CIITA: variants seen among roughly 807,000 people sequenced by gnomAD.
CIITA encodes class II major histocompatibility complex transactivator, also known as MHC class II transactivator.
A neutral mutation model predicts 115.1 loss-of-function variants in CIITA; 72 were observed. That is an observed-to-expected ratio of 0.63 (90% CI 0.52 to 0.76). CIITA has a LOEUF of 0.76. Among genes scored for constraint, CIITA ranks in the 30% least tolerant of loss-of-function variants. The pLI, the probability that CIITA is intolerant of heterozygous loss-of-function variation, is 0.00. For missense variants in CIITA, 1,617 were observed against 1,463.8 expected, an observed-to-expected ratio of 1.10 and a Z score of -1.71; for synonymous variants, 763 against 635.6, an observed-to-expected ratio of 1.20 and a Z score of -3.02.
In CIITA at chr16:10,907,230, C is replaced by T. The variant is rs746880514; in HGVS notation, c.1738C>T (p.Arg580Cys). 15 of 1,613,446 alleles carry T rather than the reference C, an allele frequency of 9.3e-6. No individual in the cohort carries two copies. Among genetic ancestry groups the T allele is most frequent in the Admixed American group, 3.3e-5 (2 of 60,008 alleles). ...SMEQAQAYVM[R>C]YFESSGMTEH... Reference sequence around the variant, plus strand: ...GGAGCAGGCCCAGGCATACGTGATGCGCTACTTTGAGAGCTCAGGGATGAC... The same window carrying T: ...GGAGCAGGCCCAGGCATACGTGATGTGCTACTTTGAGAGCTCAGGGATGAC... The change falls in exon 11 of 20, where the codon CGC becomes TGC. Residue 580 changes from arginine (R) to cysteine (C), a missense_variant. Arg to Cys is a radical substitution (Grantham distance 180). Transcript: ENST00000324288. This position sits in a 1 kb window ranked among gnomAD's most constrained non-coding sequence, Gnocchi z 5.0.
chr16:10,880,486 G>A (rs1422351059), intron 1 of CIITA, among the ~76,000 whole-genome samples: 3 of 152,136 alleles, frequency 2.0e-5, no homozygotes, highest in Non-Finnish European at 2.9e-5. Context: ...GTTTTGTTTT[G>A]TTTTGCTTAA....
intron 10 of CIITA, among the ~76,000 whole-genome samples, chr16:10,905,406 C>A (rs1309618030): frequency 6.6e-6 from 1 of 152,240 alleles, no homozygotes; most frequent in East Asian, 1.9e-4. Flanking sequence ...CCTCCCATGA[C>A]CTCCCCATGG....
In CIITA at chr16:10,910,239, C is replaced by T; in HGVS notation, c.2868C>T (p.Asp956=). The T allele has an allele frequency of 1.2e-6, 2 of 1,613,994 alleles. No homozygotes were observed. Among genetic ancestry groups the T allele is most frequent in the South Asian group, 2.2e-5 (2 of 91,050 alleles). ...CTGGGGAGCTCCCTGCTGTTCGGGA[C>T]CTAAAGAAACTGGAGTTTGCGTAAG... ...DTAGELPAVR[D]LKKLEFALGP... The change falls in exon 13 of 20, where the codon GAC becomes GAT. Residue 956 remains aspartate (D), a synonymous_variant. Transcript: ENST00000324288.
intron 1 of CIITA, chr16:10,878,868 T>C: frequency 4.4e-6 from 1 of 229,500 alleles, no homozygotes; most frequent in Admixed American, 5.7e-5. Flanking sequence ...GCTTGGTTGC[T>C]CCACAGCCTG....
intron 1 of CIITA, among the ~76,000 whole-genome samples, chr16:10,893,272 C>T (rs995753668): frequency 6.6e-6 from 1 of 152,124 alleles, no homozygotes; most frequent in East Asian, 1.9e-4. Context: ...GATGCTGGTA[C>T]CTTGTTTCAG....
At chr16:10,917,481 ATTT>A (rs36011152) in intron 15 of CIITA, among the ~76,000 whole-genome samples, 16 of 132,798 alleles carry the variant, frequency 1.2e-4, no homozygotes, top group East Asian at 2.3e-4. Flanking sequence ...GTTCAATGGG[ATTT>A]TTTTTTTTTT....
chr16:10,899,127 A>G lies in CIITA; in HGVS notation c.436+125A>G, dbSNP rs573906759. ...GTCCTGTCTGGTTGGGAGGCCCTTT[A>G]AAAGCCAACAGGAGCCTTAAAATGT... is the stretch of plus-strand genomic sequence containing the variant. On this transcript the variant is annotated intron_variant, in intron 5 of 19. Coordinates refer to ENST00000324288, the MANE Select transcript of CIITA (RefSeq NM_000246.4). The G allele has an allele frequency of 2.1e-5, 18 of 854,198 alleles. No individual in the cohort carries two copies. The African/African-American group carries it at 2.8e-4, about 13-fold the overall frequency. The allele number at this position is 854,198 out of a possible 1,614,324, so 52.9% of individuals were successfully genotyped here. A position where few individuals can be genotyped will look rare whatever the true frequency, so the allele number is the denominator to read the frequency against.
chr16:10,907,529 G>A lies in CIITA; in HGVS notation c.2037G>A (p.Gln679=). The A allele has an allele frequency of 1.2e-6, 2 of 1,614,162 alleles. No individual in the cohort carries two copies. Among genetic ancestry groups the A allele is most frequent in the Non-Finnish European group, 8.5e-7 (1 of 1,180,032 alleles). The stretch of plus-strand genomic sequence containing the variant: ...ATCAAAGTACCCTACAGGAGGACCA[G>A]TTCCCATCCGCAGACGTGAGGACCT... ...RRHQSTLQED[Q]FPSADVRTWA... Residue 679 remains glutamine, a synonymous_variant, in exon 11 of 20, where the codon CAG becomes CAA. Coordinates refer to ENST00000324288, the MANE Select transcript of CIITA (RefSeq NM_000246.4). This position sits in a 1 kb window ranked among gnomAD's most constrained non-coding sequence, Gnocchi z 5.0.
chr16:10,919,119 C>G (rs2145074565), intron 16 of CIITA, among the ~76,000 whole-genome samples: 1 of 152,360 alleles, frequency 6.6e-6, no homozygotes, highest in South Asian at 2.1e-4. Flanking sequence ...GAGCTCTTCA[C>G]TTACTGAGGA....
At chr16:10,873,687 T>G (rs980511422), upstream of CIITA, among the ~76,000 whole-genome samples, 1 of 152,144 alleles carries the variant, frequency 6.6e-6, no homozygotes, top group African/African-American at 2.4e-5. Context: ...GTTCTTTACT[T>G]GGAAGACCTA....
At chr16:10,874,572 C>G (rs1369017529), upstream of CIITA, among the ~76,000 whole-genome samples, 1 of 152,342 alleles carries the variant, frequency 6.6e-6, no homozygotes, top group African/African-American at 2.4e-5. Flanking sequence ...TGCCATCAGT[C>G]AAACACACAG....
intron 13 of CIITA, among the ~76,000 whole-genome samples, chr16:10,910,658 G>T (rs1053099723): frequency 6.6e-6 from 1 of 152,176 alleles, no homozygotes; most frequent in Non-Finnish European, 1.5e-5. Flanking sequence ...GTGGGGAGAG[G>T]GGAGTAAGAA....
intron 12 of CIITA, 126 bp from the exon 13 acceptor site, chr16:10,910,062 C>A: frequency 1.3e-6 from 1 of 754,196 alleles, no homozygotes; most frequent in Non-Finnish European, 2.3e-6. Flanking sequence ...AGGGGGACAA[C>A]AGTTGCCCCA....
chr16:10,917,377 T>C (rs2040012102), intron 15 of CIITA, among the ~76,000 whole-genome samples: 1 of 152,228 alleles, frequency 6.6e-6, no homozygotes, highest in Admixed American at 6.5e-5. Flanking sequence ...TTTCACCACG[T>C]TGCCCAGGCT....
At chr16:10,903,938 C>A in intron 9 of CIITA, 43 bp downstream of exon 9, 1 of 1,612,572 alleles carries the variant, frequency 6.2e-7, no homozygotes, top group Non-Finnish European at 8.5e-7. Flanking sequence ...GAAGCAGGAT[C>A]GAGGCCCTGG....
chr16:10,898,647 T>G lies in CIITA; in HGVS notation c.296-23T>G, dbSNP rs534664450. ...CTTCAGTTAGACCTTGTTGATTGAC[T>G]GCGCTTTTCCTTGTCTGGGCAGCGG... On this transcript the variant is annotated intron_variant, in intron 3 of 19. Coordinates refer to ENST00000324288, the MANE Select transcript of CIITA (RefSeq NM_000246.4). 278 of 1,599,052 alleles carry G rather than the reference T, an allele frequency of 1.7e-4. 5 individuals are homozygous for G. The South Asian group carries it at 3.0e-3, about 17-fold the overall frequency.
intron 1 of CIITA, 28 bp from the exon 2 acceptor site, chr16:10,895,254 G>T (rs1465837609): frequency 1.2e-6 from 2 of 1,612,992 alleles, no homozygotes; most frequent in Admixed American, 3.3e-5. Context: ...CACCCTGTGA[G>T]GTGACTGAGC....
At position 10,920,507 on chromosome 16, in the gene CIITA, A is replaced by T. The variant is rs1237653559; in HGVS notation, c.3150-1660A>T. Among the ~76,000 whole-genome samples, 1 of 152,212 alleles carries T rather than the reference A, an allele frequency of 6.6e-6. No individual in the cohort carries two copies. The highest frequency in any genetic ancestry group is 6.5e-5 in the Admixed American group (1 of 15,278). The stretch of plus-strand genomic sequence containing the variant: ...AGCGATCCACCCACCTCAGCCTTCC[A>T]AAGTGCTGGGATTACGGGTGTGAGC... On this transcript the variant is annotated intron_variant, in intron 16 of 19. Coordinates refer to ENST00000324288, the MANE Select transcript of CIITA (RefSeq NM_000246.4). The surrounding 1 kb of genome is among the most constrained non-coding windows in gnomAD (Gnocchi z 4.5).
At chr16:10,882,153 C>A (rs1002285230) in intron 1 of CIITA, among the ~76,000 whole-genome samples, 15 of 152,176 alleles carry the variant, frequency 9.9e-5, no homozygotes. Context: ...GTCTGACTCC[C>A]CGCTTTCAAC....
Sources: allele counts gnomAD v4.1 joint callset (sites outside exome capture counted in the v4.1 genomes callset), GRCh38; gene constraint gnomAD v4.1.1; non-coding constraint Gnocchi (gnomAD v3.1); transcripts MANE v1.5; gene names NCBI Gene and HGNC (gene_info 2026-07-23, HGNC 2026-07-21).